PSD3: variants seen among roughly 807,000 people sequenced by gnomAD.
PSD3 encodes PH and SEC7 domain-containing protein 3.
In PSD3, 49 loss-of-function variants were observed where a neutral mutation model predicts 105.5. The ratio of observed to expected loss-of-function variants is 0.46; its 90% CI spans 0.37 to 0.59. The LOEUF is 0.59. Among genes scored for constraint, PSD3 ranks in the 20% least tolerant of loss-of-function variants. The pLI is 0.00. For synonymous variants in PSD3, 557 were observed against 457.8 expected, an observed-to-expected ratio of 1.22 and a Z score of -2.77; for missense variants, 1,561 against 1,263.8, an observed-to-expected ratio of 1.24 and a Z score of -3.57.
intron 10 of PSD3, among the ~76,000 whole-genome samples, chr8:18,649,914 C>A (rs750684852): frequency 6.6e-6 from 1 of 152,220 alleles, no homozygotes; most frequent in African/African-American, 2.4e-5. Context: ...TTTCCTGAGG[C>A]TTCCCCAGAA....
chr8:18,813,046 C>G (rs1233842716), intron 4 of PSD3, among the ~76,000 whole-genome samples: 1 of 152,068 alleles, frequency 6.6e-6, no homozygotes, highest in Non-Finnish European at 1.5e-5. Flanking sequence ...ATAGTACAGT[C>G]AAGAGATGAG....
chr8:18,898,725 A>G lies in PSD3; in HGVS notation c.131-25992T>C, dbSNP rs146246725. ...GAAAATGTTACTAAGAAAATGATGA[A>G]GAAGAGAAAATATATTTACTATTCA... is the stretch of plus-strand genomic sequence containing the variant. On this transcript the variant is annotated intron_variant, in intron 2 of 15. Coordinates refer to ENST00000327040, the MANE Select transcript of PSD3 (RefSeq NM_015310.4). 8.7e-4 allele frequency among the ~76,000 whole-genome samples: 132 copies of G among 152,214 alleles called. 1 individual carries two copies. The highest frequency in any genetic ancestry group is 3.4e-3 in the Middle Eastern group (1 of 294).
Position 19,022,097 on chromosome 8 carries a change from T to TG in PSD3, c.324+62108dup, listed in dbSNP as rs559161109. ...CACATTGTGAGAGCAGGAGAAGGGT[T>TG]GGGGGGAGGTACCCCACTTTTTAAA... On this transcript the variant is annotated intron_variant, in intron 1 of 1. Transcript: ENST00000521475. Among the ~76,000 whole-genome samples the TG allele has an allele frequency of 1.8e-4, 27 of 152,142 alleles. 1 individual carries two copies. The East Asian group carries it at 4.9e-3, about 27-fold the overall frequency.
intron 8 of PSD3, among the ~76,000 whole-genome samples, chr8:18,788,093 A>C (rs1183711923): frequency 6.6e-6 from 1 of 152,206 alleles, no homozygotes; most frequent in Non-Finnish European, 1.5e-5. Context: ...TTTGCCTATG[A>C]GTCATAACTT....
intron 2 of PSD3, among the ~76,000 whole-genome samples, chr8:18,918,344 C>T (rs1436124046): frequency 6.6e-6 from 1 of 152,148 alleles, no homozygotes; most frequent in African/African-American, 2.4e-5. Flanking sequence ...TCCAAGAAGC[C>T]TTCTCTCCAT....
intron 1 of PSD3, among the ~76,000 whole-genome samples, chr8:18,959,136 G>A (rs1025808672): frequency 4.6e-5 from 7 of 152,096 alleles, no homozygotes; most frequent in African/African-American, 1.7e-4. Flanking sequence ...GGCCAGGCTG[G>A]TCTCAAACTC....
At chr8:18,635,541 G>A (rs936647841) in intron 10 of PSD3, among the ~76,000 whole-genome samples, 3 of 151,814 alleles carry the variant, frequency 2.0e-5, no homozygotes, top group Non-Finnish European at 4.4e-5. Context: ...TAAAAAAAAA[G>A]TTAACTGTAA....
intron 9 of PSD3, among the ~76,000 whole-genome samples, chr8:18,701,083 A>G (rs1056163989): frequency 6.6e-6 from 1 of 151,138 alleles, no homozygotes; most frequent in Non-Finnish European, 1.5e-5. Context: ...CTCTCACCCC[A>G]GCCTCCCAAG....
At chr8:19,003,764 T>C (rs1209314353) in intron 1 of PSD3, among the ~76,000 whole-genome samples, 1 of 151,874 alleles carries the variant, frequency 6.6e-6, no homozygotes, top group Non-Finnish European at 1.5e-5. Context: ...GGTTGGGGAC[T>C]TGGGTTGTCT....
chr8:18,608,036 A>G lies in PSD3; in HGVS notation c.2411-7602T>C, dbSNP rs576256374. Among the ~76,000 whole-genome samples, 6 of 152,294 alleles carry G rather than the reference A, an allele frequency of 3.9e-5. No homozygotes were observed. The East Asian group carries it at 5.8e-4, about 15-fold the overall frequency. ...TCCCACCAGGTGGGAACTACAATTC[A>G]GGATGAGATTTGGGTGGGGACACAG... On this transcript the variant is annotated intron_variant, in intron 11 of 15. Transcript: ENST00000327040.
intron 8 of PSD3, among the ~76,000 whole-genome samples, chr8:18,786,160 C>T (rs1055215344): frequency 3.9e-5 from 6 of 152,122 alleles, no homozygotes; most frequent in South Asian, 4.2e-4. Context: ...GTCGAGATTG[C>T]GCCACTGCAC....
chr8:18,953,478 G>A (rs904886398), intron 1 of PSD3, among the ~76,000 whole-genome samples: 1 of 152,196 alleles, frequency 6.6e-6, no homozygotes, highest in African/African-American at 2.4e-5. Context: ...GCCGGGTGTG[G>A]TGGCTCACGC....
intron 11 of PSD3, among the ~76,000 whole-genome samples, chr8:18,606,162 A>G (rs1804812022): frequency 6.6e-6 from 1 of 152,212 alleles, no homozygotes; most frequent in African/African-American, 2.4e-5. Context: ...ATAACTTTGA[A>G]TAATGTCTCT....
chr8:18,698,379 G>C (rs556538243), intron 9 of PSD3, among the ~76,000 whole-genome samples: 23 of 152,068 alleles, frequency 1.5e-4, no homozygotes, highest in Non-Finnish European at 2.9e-4. Context: ...TTGGCCTCCC[G>C]AAGTGCTAAG....
intron 2 of PSD3, among the ~76,000 whole-genome samples, chr8:18,890,238 G>T (rs1345313158): frequency 6.6e-6 from 1 of 151,890 alleles, no homozygotes; most frequent in Non-Finnish European, 1.5e-5. Context: ...CAGTAAACAA[G>T]AAATCAGTTT....
chr8:18,641,744 G>C (rs1487277350), intron 10 of PSD3, among the ~76,000 whole-genome samples: 2 of 152,108 alleles, frequency 1.3e-5, no homozygotes, highest in Non-Finnish European at 2.9e-5. Flanking sequence ...AGAACACTAA[G>C]GTGGCTCACA....
chr8:18,759,538 C>G (rs1001769323), intron 9 of PSD3, among the ~76,000 whole-genome samples: 1 of 152,136 alleles, frequency 6.6e-6, no homozygotes, highest in Non-Finnish European at 1.5e-5. Context: ...TCTTTCTACT[C>G]TCCCTTGGTA....
intron 4 of PSD3, among the ~76,000 whole-genome samples, chr8:18,855,505 A>T (rs75629597): frequency 6.6e-6 from 1 of 152,224 alleles, no homozygotes; most frequent in Non-Finnish European, 1.5e-5. Context: ...GGCTGAGTCA[A>T]TAAGAATGAA....
At chr8:18,980,279 CT>C (rs1439769484) in intron 1 of PSD3, among the ~76,000 whole-genome samples, 2 of 152,174 alleles carry the variant, frequency 1.3e-5, no homozygotes, top group African/African-American at 4.8e-5. Flanking sequence ...CTCCGCTGCA[CT>C]TAGAGTGGGA....
Sources: allele counts gnomAD v4.1 joint callset (sites outside exome capture counted in the v4.1 genomes callset), GRCh38; gene constraint gnomAD v4.1.1; transcripts MANE v1.5; gene names NCBI Gene and HGNC (gene_info 2026-07-23, HGNC 2026-07-21).